The following IL1R1 variants were observed in gnomAD, a reference collection of about 807,000 sequenced individuals.
IL1R1 encodes the protein interleukin 1 receptor type 1.
In IL1R1, 22 loss-of-function variants were observed where a neutral mutation model predicts 50.2. The observed-to-expected ratio is 0.44, with a 90% confidence interval of 0.31 to 0.63. The LOEUF (loss-of-function observed/expected upper bound fraction) is 0.63. IL1R1 is among the 20% of genes least tolerant of loss of function. The pLI, the probability that IL1R1 is intolerant of heterozygous loss-of-function variation, is 0.07. For missense variants in IL1R1, 509 were observed against 676.2 expected (o/e 0.75, Z 2.74); for synonymous variants, 251 against 236.7 (o/e 1.06, Z -0.55).
rs1383408746 is a variant in IL1R1, at chr2:102,154,179, T to C, written c.-7+162T>C. 2.0e-5 allele frequency among the ~76,000 whole-genome samples: 3 copies of C among 152,218 alleles called. No individual in the cohort carries two copies. In the South Asian group the frequency reaches 6.2e-4, roughly 31 times the overall value. On this transcript the variant is annotated intron_variant, in intron 2 of 11. Transcript: ENST00000410023. ...ACTCTTTGGGGCAGCTTGATGGTTT[T>C]ATTAAATTTTGGAAGGAGGCTTCAG... is the stretch of plus-strand genomic sequence containing the variant.
intron 1 of IL1R1, among the ~76,000 whole-genome samples, chr2:102,130,020 C>A (rs1681942206): frequency 6.6e-6 from 1 of 152,106 alleles, no homozygotes; most frequent in African/African-American, 2.4e-5. Context: ...ACGAAAGTAT[C>A]AAAAAGAATT....
intron 1 of IL1R1, among the ~76,000 whole-genome samples, chr2:102,073,862 G>A (rs573812265): frequency 1.3e-5 from 2 of 152,180 alleles, no homozygotes; most frequent in African/African-American, 4.8e-5. Flanking sequence ...CCTTTATAGA[G>A]TTTCATTGAC....
rs184416789 is a variant in IL1R1 at position 102,176,569 on chromosome 2, A to G, written c.1520A>G (p.Lys507Arg). The stretch of plus-strand genomic sequence containing the variant: ...ATGCCAGAATCGATTAAATTCATTA[A>G]GCAGAAACATGGGGCTATCCGCTGG... ...EKMPESIKFI[K>R]QKHGAIRWSG... is the part of the protein sequence containing the mutation. Residue 507 changes from lysine to arginine, a missense_variant, in exon 12 of 12, where the codon AAG becomes AGG. Transcript: ENST00000410023. 1 of 1,614,200 alleles carries G rather than the reference A, an allele frequency of 6.2e-7. No homozygotes were observed. The highest frequency in any genetic ancestry group is 2.2e-5 in the East Asian group (1 of 44,874).
rs3917231 is a variant in IL1R1 at position 102,154,494 on chromosome 2, C to A, written c.-7+477C>A. Reference sequence around the variant, plus strand: ...GTCTGTGGGTACCTGAACCTGCCCCCCAACCTGGCCCTTGCCCTACCTGCC... The same window carrying A: ...GTCTGTGGGTACCTGAACCTGCCCCACAACCTGGCCCTTGCCCTACCTGCC... On this transcript the variant is annotated intron_variant, in intron 2 of 11. Coordinates refer to ENST00000410023, the MANE Select transcript of IL1R1 (RefSeq NM_000877.4). 6.5e-3 allele frequency among the ~76,000 whole-genome samples: 996 copies of A among 152,296 alleles called. 7 individuals are homozygous for A. Among genetic ancestry groups the A allele is most frequent in the African/African-American group, 0.021 (878 of 41,548 alleles).
intron 1 of IL1R1, among the ~76,000 whole-genome samples, chr2:102,106,243 T>C (rs1680401818): frequency 6.6e-6 from 1 of 152,088 alleles, no homozygotes; most frequent in African/African-American, 2.4e-5. Flanking sequence ...TGTCTCTGTG[T>C]GTGTGTGTCT....
rs766202485 is a variant in IL1R1 at position 102,172,768 on chromosome 2, A to T, written c.921A>T (p.Lys307Asn). 6.2e-7 allele frequency: 1 copy of T among 1,611,484 alleles called. No individual in the cohort carries two copies. The highest frequency in any genetic ancestry group is 2.2e-5 in the East Asian group (1 of 44,844). The change falls in exon 9 of 12, where the codon AAA (lysine) becomes AAT (asparagine). Residue 307 changes from lysine to asparagine, a missense_variant. Coordinates refer to ENST00000410023, the MANE Select transcript of IL1R1 (RefSeq NM_000877.4). ...NISEIESRFY[K>N]HPFTCFAKNT... ...CGGAAATTGAAAGTAGATTTTATAA[A>T]CATCCATTTACCTGTTTTGCCAAGA...
At chr2:102,083,007 A>G (rs1278088434) in intron 1 of IL1R1, among the ~76,000 whole-genome samples, 2 of 152,154 alleles carry the variant, frequency 1.3e-5, no homozygotes, top group African/African-American at 2.4e-5. Flanking sequence ...AAACATCAGG[A>G]TTCCTGGTCA....
At position 102,166,097 on chromosome 2, in the gene IL1R1, C is replaced by G. The variant is rs752162859; in HGVS notation, c.487-16C>G. ...TTGGTTATTGGTTTTCAATGCTTCTCTCTCCCTTTATCTAGGATTGCAAAC... is the reference window on the plus strand; with the variant it reads ...TTGGTTATTGGTTTTCAATGCTTCTGTCTCCCTTTATCTAGGATTGCAAAC... On this transcript the variant is annotated splice_polypyrimidine_tract_variant and intron_variant, in intron 5 of 11. Transcript: ENST00000410023. 1 of 1,603,112 alleles carries G rather than the reference C, an allele frequency of 6.2e-7. No homozygotes were observed. The highest frequency in any genetic ancestry group is 1.7e-5 in the Admixed American group (1 of 59,480).
upstream of IL1R1, among the ~76,000 whole-genome samples, chr2:102,139,506 T>C (rs1411767181): frequency 6.6e-6 from 1 of 152,202 alleles, no homozygotes; most frequent in Admixed American, 6.5e-5. Context: ...GTGATGCAGT[T>C]TGGATATTTG....
chr2:102,170,486 CA>C (rs1316688797), intron 7 of IL1R1, among the ~76,000 whole-genome samples: 1 of 152,106 alleles, frequency 6.6e-6, no homozygotes, highest in Non-Finnish European at 1.5e-5. Context: ...CTGATCATAC[CA>C]ATCCCAAGAA....
At chr2:102,111,705 G>C (rs571089530) in intron 1 of IL1R1, among the ~76,000 whole-genome samples, 2 of 152,110 alleles carry the variant, frequency 1.3e-5, no homozygotes, top group South Asian at 4.1e-4. Context: ...AAGAGGACCC[G>C]GCCACCTCTA....
At chr2:102,174,328 T>G (rs1685928575) in intron 9 of IL1R1, among the ~76,000 whole-genome samples, 2 of 152,248 alleles carry the variant, frequency 1.3e-5, no homozygotes, top group Admixed American at 6.5e-5. Context: ...TATCCTGTGG[T>G]CTTCGGTATT....
chr2:102,083,083 A>T (rs1679285113), intron 1 of IL1R1, among the ~76,000 whole-genome samples: 1 of 151,990 alleles, frequency 6.6e-6, no homozygotes, highest in Non-Finnish European at 1.5e-5. Flanking sequence ...GTGACTTTGC[A>T]CCCCTGATGC....
In IL1R1 at chr2:102,152,321, C is replaced by T. The variant is rs903936538; in HGVS notation, c.-83-1620C>T. Among the ~76,000 whole-genome samples the T allele has an allele frequency of 1.2e-3, 174 of 151,018 alleles. 2 individuals are homozygous for T. The highest frequency in any genetic ancestry group is 6.8e-3 in the Middle Eastern group (2 of 292). On this transcript the variant is annotated intron_variant, in intron 1 of 11. Coordinates refer to ENST00000410023, the MANE Select transcript of IL1R1 (RefSeq NM_000877.4). ...GAGATCGAGACCATCCTGGCTAACA[C>T]GGTGAAACCCCGTCTCTACTAAAAA...
intron 1 of IL1R1, among the ~76,000 whole-genome samples, chr2:102,095,471 T>C (rs1414820849): frequency 1.3e-5 from 2 of 152,198 alleles, no homozygotes; most frequent in Non-Finnish European, 2.9e-5. Context: ...CTGGAAAATT[T>C]CAGAGAATAA....
At chr2:102,140,028 C>T (rs1310505282), upstream of IL1R1, among the ~76,000 whole-genome samples, 2 of 152,136 alleles carry the variant, frequency 1.3e-5, no homozygotes, top group Non-Finnish European at 2.9e-5. Context: ...TCTGCTTCTC[C>T]CCTTCCCACC....
intron 1 of IL1R1, among the ~76,000 whole-genome samples, chr2:102,077,822 A>G (rs181390260): frequency 6.6e-6 from 1 of 152,362 alleles, no homozygotes; most frequent in East Asian, 1.9e-4. Context: ...ATGTGAAGAC[A>G]TAAAACAATG....
At chr2:102,170,522 A>C (rs941638791) in intron 7 of IL1R1, among the ~76,000 whole-genome samples, 1 of 152,220 alleles carries the variant, frequency 6.6e-6, no homozygotes, top group Non-Finnish European at 1.5e-5. Context: ...ACTAGAATTA[A>C]TTCTGTATAA....
upstream of IL1R1, among the ~76,000 whole-genome samples, chr2:102,137,971 C>T (rs1682436023): frequency 6.6e-6 from 1 of 151,996 alleles, no homozygotes; most frequent in Non-Finnish European, 1.5e-5. Flanking sequence ...TTGCAGAAAA[C>T]CAAAGATGGT....
Sources: allele counts gnomAD v4.1 joint callset (sites outside exome capture counted in the v4.1 genomes callset), GRCh38; gene constraint gnomAD v4.1.1; transcripts MANE v1.5; gene names NCBI Gene and HGNC (gene_info 2026-07-23, HGNC 2026-07-21).